Variants in ROBO2 observed in about 807,000 individuals in gnomAD.
ROBO2 encodes the protein roundabout homolog 2.
ROBO2 carries 53 observed loss-of-function variants against 160.8 expected under a neutral mutation model. The ratio of observed to expected loss-of-function variants is 0.33; its 90% CI spans 0.26 to 0.41. The LOEUF is 0.41. Among genes scored for constraint, ROBO2 ranks in the 10% least tolerant of loss-of-function variants. The pLI is 1.00. For synonymous variants in ROBO2, 664 were observed against 611.7 expected, an observed-to-expected ratio of 1.09 and a Z score of -1.26; for missense variants, 1,577 against 1,722.4, an observed-to-expected ratio of 0.92 and a Z score of 1.49.
At chr3:75,985,828 TTTAGCA>T (rs2065399409) in intron 2 of ROBO2, among the ~76,000 whole-genome samples, 1 of 151,670 alleles carries the variant, frequency 6.6e-6, no homozygotes, top group Non-Finnish European at 1.5e-5. Context: ...GCTTATTTAA[TTTAGCA>T]TAATGACCTC....
intron 2 of ROBO2, among the ~76,000 whole-genome samples, chr3:77,005,933 C>T (rs368593147): frequency 1.5e-3 from 232 of 152,244 alleles, no homozygotes; most frequent in Middle Eastern, 0.01. Flanking sequence ...TTTAATGAGT[C>T]AATTATTAGA....
At chr3:76,294,350 G>A (rs952424822) in intron 2 of ROBO2, among the ~76,000 whole-genome samples, 3 of 152,166 alleles carry the variant, frequency 2.0e-5, no homozygotes, top group African/African-American at 7.2e-5. Context: ...GCTCAGTGGA[G>A]TGGATAGTCC....
exon 1 of ROBO2, chr3:77,040,796 T>G: frequency 1.2e-6 from 2 of 1,614,022 alleles, no homozygotes; most frequent in Non-Finnish European, 1.7e-6. Context: ...ATGAGTCTGC[T>G]GATGTTTACA....
chr3:77,202,691 C>T (rs752312452), intron 2 of ROBO2, among the ~76,000 whole-genome samples: 8 of 152,140 alleles, frequency 5.3e-5, no homozygotes, highest in South Asian at 2.1e-4. Flanking sequence ...CTCTCTTTCC[C>T]CATTCCCTTC....
chr3:76,197,249 T>G (rs1474950966), intron 2 of ROBO2, among the ~76,000 whole-genome samples: 4 of 148,558 alleles, frequency 2.7e-5, no homozygotes, highest in Non-Finnish European at 5.9e-5. Flanking sequence ...GATAATCCAC[T>G]GAGCTAATCA....
chr3:76,981,265 C>G (rs1277351883), intron 2 of ROBO2, among the ~76,000 whole-genome samples: 2 of 152,140 alleles, frequency 1.3e-5, no homozygotes, highest in Non-Finnish European at 2.9e-5. Flanking sequence ...AATTGACAGA[C>G]TATTTTCCAA....
At chr3:76,164,771 A>G (rs76181007) in intron 2 of ROBO2, among the ~76,000 whole-genome samples, 33 of 152,304 alleles carry the variant, frequency 2.2e-4, no homozygotes, top group Non-Finnish European at 2.8e-4. Context: ...TAAGGGCCCT[A>G]GGGTCTTTGA....
chr3:76,824,934 C>A (rs924403946), intron 2 of ROBO2, among the ~76,000 whole-genome samples: 2 of 152,134 alleles, frequency 1.3e-5, no homozygotes, highest in Non-Finnish European at 2.9e-5. Flanking sequence ...CATGAAGTCA[C>A]CTGCTGGTCC....
At chr3:76,024,264 C>T (rs1030464235) in intron 2 of ROBO2, among the ~76,000 whole-genome samples, 7 of 151,300 alleles carry the variant, frequency 4.6e-5, no homozygotes, top group Admixed American at 1.3e-4. Context: ...AAAGGAAAGA[C>T]GCCTGTTTTG....
At chr3:75,991,562 G>A (rs904613720) in intron 2 of ROBO2, among the ~76,000 whole-genome samples, 2 of 152,066 alleles carry the variant, frequency 1.3e-5, no homozygotes, top group Admixed American at 6.6e-5. Context: ...TCCATTAAAA[G>A]TTTTTTTCTT....
rs563535697 is a variant in ROBO2 at position 76,225,725 on chromosome 3, CAATAA to C, written c.109+288141_109+288145del. Among the ~76,000 whole-genome samples, 953 of 150,562 alleles carry C rather than the reference CAATAA, an allele frequency of 6.3e-3. 8 individuals are homozygous for C. Among genetic ancestry groups the C allele is most frequent in the Non-Finnish European group, 0.011 (751 of 67,416 alleles). ...GGATTCCTTGTCTCCAAAAATAGAA[CAATAA>C]AATAAAATAAAATAAAAATTCATTT... On this transcript the variant is annotated intron_variant, in intron 2 of 26. Transcript: ENST00000487694.
chr3:76,503,668 T>C (rs1296452530), intron 2 of ROBO2, among the ~76,000 whole-genome samples: 1 of 152,136 alleles, frequency 6.6e-6, no homozygotes, highest in Non-Finnish European at 1.5e-5. Context: ...ACCTGGAACA[T>C]ATTATGTTAA....
intron 2 of ROBO2, among the ~76,000 whole-genome samples, chr3:76,214,009 G>A (rs1703327723): frequency 6.6e-6 from 1 of 152,084 alleles, no homozygotes; most frequent in Admixed American, 6.6e-5. Flanking sequence ...ACGTCTTCCA[G>A]AAGCACCCTC....
Position 77,447,439 on chromosome 3 carries a change from A to G in ROBO2, c.389-29975A>G, listed in dbSNP as rs898196515. ...TAAATTCTGAGAACACTAAATTAAA[A>G]TAGACTGTTAAAAATTTAACTTTTT... On this transcript the variant is annotated intron_variant, in intron 2 of 25. Coordinates refer to ENST00000461745, the Ensembl canonical transcript of ROBO2. 2.6e-5 allele frequency among the ~76,000 whole-genome samples: 4 copies of G among 152,262 alleles called. No individual in the cohort carries two copies. In the East Asian group the frequency reaches 7.7e-4, roughly 29 times the overall value.
At chr3:76,709,620 T>C (rs1289162586) in intron 2 of ROBO2, among the ~76,000 whole-genome samples, 1 of 152,114 alleles carries the variant, frequency 6.6e-6, no homozygotes, top group Non-Finnish European at 1.5e-5. Flanking sequence ...TGAGTGGTTA[T>C]TTAGTAGGAA....
At chr3:76,183,611 A>G (rs1396451580) in intron 2 of ROBO2, among the ~76,000 whole-genome samples, 1 of 152,032 alleles carries the variant, frequency 6.6e-6, no homozygotes, top group African/African-American at 2.4e-5. Flanking sequence ...ACATGCAGGC[A>G]CTCTTCTAGG....
chr3:76,189,875 G>A (rs1007539923), intron 2 of ROBO2, among the ~76,000 whole-genome samples: 5 of 152,034 alleles, frequency 3.3e-5, no homozygotes, highest in African/African-American at 1.2e-4. Context: ...CTGAGGTTTC[G>A]AAGGATCACT....
chr3:76,530,618 A>G (rs1252690173), intron 2 of ROBO2, among the ~76,000 whole-genome samples: 1 of 152,162 alleles, frequency 6.6e-6, no homozygotes, highest in Non-Finnish European at 1.5e-5. Flanking sequence ...AGTGAAAGTG[A>G]TCTTAGATTG....
intron 2 of ROBO2, among the ~76,000 whole-genome samples, chr3:76,258,014 G>GT (rs991740571): frequency 4.7e-4 from 71 of 152,052 alleles, no homozygotes; most frequent in Non-Finnish European, 8.2e-4. Context: ...CATATTTTCT[G>GT]TTTTTTTCTC....
Sources: gnomAD v4.1 joint callset for allele counts (sites outside exome capture counted in the v4.1 genomes callset) on GRCh38, gnomAD v4.1.1 for gene constraint, MANE v1.5 for transcripts, NCBI Gene and HGNC (gene_info 2026-07-23, HGNC 2026-07-21) for gene names.